CRB1: variants seen among roughly 807,000 people sequenced by gnomAD.
CRB1 encodes the protein crumbs cell polarity complex component 1.
A neutral mutation model predicts 120.0 loss-of-function variants in CRB1; 83 were observed. The ratio of observed to expected loss-of-function variants is 0.69; its 90% CI spans 0.58 to 0.83. The LOEUF is 0.83. Ranked by LOEUF, CRB1 falls within the 40% of genes least tolerant of loss-of-function variation. The pLI, the probability that CRB1 is intolerant of heterozygous loss-of-function variation, is 0.00. For missense variants in CRB1, 1,699 were observed against 1,687.6 expected (o/e 1.01, Z -0.12); for synonymous variants, 625 against 612.5 (o/e 1.02, Z -0.30).
the CRB1 span, among the ~76,000 whole-genome samples, chr1:197,247,296 A>G: frequency 6.6e-6 from 1 of 151,980 alleles, no homozygotes; most frequent in African/African-American, 2.4e-5. Flanking sequence ...TTTATTATAA[A>G]TGTTTTTGTA....
At chr1:197,244,972 G>A in the CRB1 span, among the ~76,000 whole-genome samples, 2 of 151,214 alleles carry the variant, frequency 1.3e-5, no homozygotes, top group Admixed American at 6.6e-5. Context: ...TATCTGTTGA[G>A]GTTTGTTTGT....
chr1:197,453,162 T>G (rs1666049905), intron 11 of CRB1, among the ~76,000 whole-genome samples: 1 of 151,550 alleles, frequency 6.6e-6, no homozygotes, highest in African/African-American at 2.4e-5. Flanking sequence ...ATGAGATATC[T>G]AGAAGAGTCA....
In CRB1 at chr1:197,386,872, T is replaced by A. The variant is rs1662242842; in HGVS notation, c.1171+29859T>A. Among the ~76,000 whole-genome samples the A allele has an allele frequency of 2.0e-5, 3 of 152,304 alleles. No homozygotes were observed. The South Asian group carries it at 6.2e-4, about 32-fold the overall frequency. On this transcript the variant is annotated intron_variant, in intron 5 of 11. Coordinates refer to ENST00000367400, the MANE Select transcript of CRB1 (RefSeq NM_201253.3). ...TTTTATCCTAGTAACTGTCAATTGT[T>A]AATAATTTTATAGTTATTATAAAAA...
the CRB1 span, among the ~76,000 whole-genome samples, chr1:197,210,944 T>G: frequency 6.6e-6 from 1 of 152,198 alleles, no homozygotes; most frequent in African/African-American, 2.4e-5. Flanking sequence ...GAAAATGTTT[T>G]TCTTCATTTA....
At chr1:197,438,818 C>G (rs780809278) in intron 10 of CRB1, 143 bp downstream of exon 10, 33 of 964,104 alleles carry the variant, frequency 3.4e-5, no homozygotes, top group Non-Finnish European at 4.7e-5. Context: ...CAGAATGAAA[C>G]AATAAAAAAG....
chr1:197,415,641 CTTTTT>C (rs55654070), intron 5 of CRB1, among the ~76,000 whole-genome samples: 55 of 94,010 alleles, frequency 5.9e-4, no homozygotes, highest in Non-Finnish European at 3.1e-4. Context: ...TTTTTCTTTT[CTTTTT>C]TTTTTTTTTT....
At chr1:197,290,852 G>T (rs1571776611) in intron 1 of CRB1, among the ~76,000 whole-genome samples, 1 of 151,708 alleles carries the variant, frequency 6.6e-6, no homozygotes, top group Non-Finnish European at 1.5e-5. Context: ...CCATGCTTTT[G>T]CAGGACAATT....
the CRB1 span, among the ~76,000 whole-genome samples, chr1:197,215,516 A>G: frequency 6.6e-6 from 1 of 152,020 alleles, no homozygotes; most frequent in African/African-American, 2.4e-5. Context: ...ACCTCAGGTG[A>G]TCACCTACCT....
intron 1 of CRB1, among the ~76,000 whole-genome samples, chr1:197,273,149 C>T (rs1655002948): frequency 6.6e-6 from 1 of 151,984 alleles, no homozygotes; most frequent in Non-Finnish European, 1.5e-5. Context: ...GTGACAGTTC[C>T]TCAGGCTTTC....
At chr1:197,447,228 A>G (rs1378855502) in intron 11 of CRB1, among the ~76,000 whole-genome samples, 2 of 152,188 alleles carry the variant, frequency 1.3e-5, no homozygotes, top group African/African-American at 2.4e-5. Flanking sequence ...CTCAGTGATC[A>G]AGTTCACTGA....
At chr1:197,468,079 A>C (rs187542528) in intron 11 of CRB1, among the ~76,000 whole-genome samples, 1 of 152,306 alleles carries the variant, frequency 6.6e-6, no homozygotes, top group East Asian at 1.9e-4. Context: ...CATGCAGGAA[A>C]TATCCCAGAA....
In CRB1 at chr1:197,421,405, G is replaced by A. The variant is rs531283439; in HGVS notation, c.1577G>A (p.Arg526Gln). The change falls in exon 6 of 12, where the codon CGA becomes CAA. Residue 526 changes from arginine (R) to glutamine (Q), a missense_variant. Physicochemically the swap from Arg to Gln is conservative, Grantham distance 43. Coordinates refer to ENST00000367400, the MANE Select transcript of CRB1 (RefSeq NM_201253.3). ...TVQPMALLLF[R>Q]SNRDVFVKLE... ...CAGCCAATGGCTCTTCTACTTTTCC[G>A]AAGCAACAGGGATGTGTTTGTGAAG... The A allele has an allele frequency of 3.3e-5, 53 of 1,614,064 alleles. No homozygotes were observed. Among genetic ancestry groups the A allele is most frequent in the African/African-American group, 4.0e-5 (3 of 74,910 alleles).
chr1:197,373,938 G>A (rs952597824), intron 5 of CRB1, among the ~76,000 whole-genome samples: 3 of 152,136 alleles, frequency 2.0e-5, no homozygotes, highest in African/African-American at 4.8e-5. Flanking sequence ...GTCAATATTA[G>A]CAAGGCACCA....
At chr1:197,382,804 G>A (rs1175675310) in intron 5 of CRB1, among the ~76,000 whole-genome samples, 1 of 152,166 alleles carries the variant, frequency 6.6e-6, no homozygotes, top group Non-Finnish European at 1.5e-5. Context: ...ATAATAAGCA[G>A]ACAATAATCC....
chr1:197,327,132 A>AAAAAAAAC (rs1558055752), intron 1 of CRB1, among the ~76,000 whole-genome samples: 11 of 148,780 alleles, frequency 7.4e-5, no homozygotes, highest in Middle Eastern at 3.5e-3. Context: ...AAAAAAAAAA[A>AAAAAAAAC]CAGAAACCAA....
At position 197,289,052 on chromosome 1, in the gene CRB1, C is replaced by A. The variant is rs575892668; in HGVS notation, c.70+20570C>A. Reference sequence around the variant, plus strand: ...GTAGAGCCTAATGTTTGAGGAGACCCGGACAGATGAAATTCTCGGGACAGA... The same window carrying A: ...GTAGAGCCTAATGTTTGAGGAGACCAGGACAGATGAAATTCTCGGGACAGA... On this transcript the variant is annotated intron_variant, in intron 1 of 11. Coordinates refer to ENST00000367400, the MANE Select transcript of CRB1 (RefSeq NM_201253.3). Among the ~76,000 whole-genome samples, 12 of 151,178 alleles carry A rather than the reference C, an allele frequency of 7.9e-5. No individual in the cohort carries two copies. The South Asian group carries it at 2.5e-3, about 32-fold the overall frequency.
intron 1 of CRB1, among the ~76,000 whole-genome samples, chr1:197,303,977 G>C (rs551123178): frequency 5.3e-5 from 8 of 152,072 alleles, no homozygotes; most frequent in African/African-American, 1.9e-4. Context: ...GACAGAGAGA[G>C]ACGCCATCTC....
At chr1:197,292,011 G>C (rs1656213231) in intron 1 of CRB1, among the ~76,000 whole-genome samples, 1 of 151,970 alleles carries the variant, frequency 6.6e-6, no homozygotes, top group African/African-American at 2.4e-5. Context: ...AAAACAACTA[G>C]AGAAGCAAGA....
chr1:197,273,805 T>G lies in CRB1; in HGVS notation c.70+5323T>G, dbSNP rs115272453. 5.2e-3 allele frequency among the ~76,000 whole-genome samples: 792 copies of G among 152,184 alleles called. 9 individuals are homozygous for G. The highest frequency in any genetic ancestry group is 0.018 in the African/African-American group (753 of 41,548). On this transcript the variant is annotated intron_variant, in intron 1 of 11. Coordinates refer to ENST00000367400, the MANE Select transcript of CRB1 (RefSeq NM_201253.3). Reference sequence around the variant, plus strand: ...AAAAAGGATTTTCTTCCTTTATGGCTCTACAATCCCTTTCAGACTGATCTT... The same window carrying G: ...AAAAAGGATTTTCTTCCTTTATGGCGCTACAATCCCTTTCAGACTGATCTT...
Sources: gnomAD v4.1 joint callset for allele counts (sites outside exome capture counted in the v4.1 genomes callset) on GRCh38, gnomAD v4.1.1 for gene constraint, MANE v1.5 for transcripts, NCBI Gene and HGNC (gene_info 2026-07-23, HGNC 2026-07-21) for gene names.